Variants in HCN1 observed in about 807,000 individuals in gnomAD.
HCN1 encodes potassium/sodium hyperpolarization-activated cyclic nucleotide-gated channel 1.
A neutral mutation model predicts 78.9 loss-of-function variants in HCN1; 13 were observed. The observed-to-expected ratio is 0.16, with a 90% CI of 0.11 to 0.26. The LOEUF is 0.26. Ranked by LOEUF, HCN1 falls within the 10% of genes least tolerant of loss-of-function variation. HCN1 has a pLI of 1.00. For missense variants in HCN1, 810 were observed against 1,154.3 expected (o/e 0.70, Z 4.32); for synonymous variants, 552 against 455.5 (o/e 1.21, Z -2.70).
intron 3 of HCN1, among the ~76,000 whole-genome samples, chr5:45,452,027 T>C (rs1740928628): frequency 1.3e-5 from 2 of 152,052 alleles, no homozygotes. Context: ...CTTTATGATA[T>C]GCTCAAGAAA....
intron 6 of HCN1, among the ~76,000 whole-genome samples, chr5:45,296,865 T>C (rs115185858): frequency 6.6e-6 from 1 of 152,048 alleles, no homozygotes; most frequent in Non-Finnish European, 1.5e-5. Context: ...GAGCAATTCC[T>C]GGAAAGTACA....
intron 2 of HCN1, among the ~76,000 whole-genome samples, chr5:45,601,570 C>T (rs557002058): frequency 6.6e-6 from 1 of 152,164 alleles, no homozygotes; most frequent in African/African-American, 2.4e-5. Context: ...AAGATGTGTT[C>T]CTGTGAGGAA....
intron 1 of HCN1, among the ~76,000 whole-genome samples, chr5:45,659,618 T>C (rs1446139157): frequency 6.9e-6 from 1 of 145,542 alleles, no homozygotes; most frequent in African/African-American, 2.6e-5. Flanking sequence ...AAGGAGCTGA[T>C]GGAGCTGAAA....
At chr5:45,269,512 TA>T (rs1224075386) in intron 6 of HCN1, among the ~76,000 whole-genome samples, 1 of 152,298 alleles carries the variant, frequency 6.6e-6, no homozygotes, top group South Asian at 2.1e-4. Flanking sequence ...CATTTAAAGA[TA>T]AAAAACTCTG....
At chr5:45,344,137 G>A (rs1265880112) in intron 5 of HCN1, among the ~76,000 whole-genome samples, 1 of 152,082 alleles carries the variant, frequency 6.6e-6, no homozygotes, top group Admixed American at 6.6e-5. Flanking sequence ...GCAGCAAGGA[G>A]AAGTGATGAG....
intron 2 of HCN1, among the ~76,000 whole-genome samples, chr5:45,518,550 G>C (rs892681978): frequency 1.3e-5 from 2 of 152,008 alleles, no homozygotes; most frequent in African/African-American, 4.8e-5. Flanking sequence ...GGAAACCTAA[G>C]ATATGCACAG....
intron 2 of HCN1, among the ~76,000 whole-genome samples, chr5:45,582,600 G>C (rs1174754196): frequency 2.0e-5 from 3 of 152,152 alleles, no homozygotes; most frequent in Non-Finnish European, 4.4e-5. Flanking sequence ...TCTTGTGGCA[G>C]TTTTCAAAGG....
chr5:45,690,061 G>A (rs983922323), intron 1 of HCN1, among the ~76,000 whole-genome samples: 1 of 152,052 alleles, frequency 6.6e-6, no homozygotes, highest in African/African-American at 2.4e-5. Context: ...ACAATGAAGA[G>A]TAAGGTGCGA....
chr5:45,605,781 T>C (rs1744717359), intron 2 of HCN1, among the ~76,000 whole-genome samples: 1 of 151,966 alleles, frequency 6.6e-6, no homozygotes, highest in African/African-American at 2.4e-5. Context: ...AGAGTAGATG[T>C]ATCACTCTGG....
At chr5:45,372,376 ATT>A (rs1354310785) in intron 4 of HCN1, among the ~76,000 whole-genome samples, 2 of 112,544 alleles carry the variant, frequency 1.8e-5, no homozygotes, top group Non-Finnish European at 3.3e-5. Flanking sequence ...AAACATATAT[ATT>A]ATATAAATAT....
Position 45,299,825 on chromosome 5 carries a change from C to A in HCN1, c.1618+3774G>T, listed in dbSNP as rs150274310. On this transcript the variant is annotated intron_variant, in intron 6 of 7. Transcript: ENST00000303230. The stretch of plus-strand genomic sequence containing the variant: ...ATTCTTTCTAAGAAGTGAGCATAAC[C>A]TGATATCCAAAGTCATCTAGGGGAT... Among the ~76,000 whole-genome samples, 524 of 152,080 alleles carry A rather than the reference C, an allele frequency of 3.4e-3. 3 individuals carry two copies. Among genetic ancestry groups the A allele is most frequent in the South Asian group, 6.2e-3 (30 of 4,828 alleles).
chr5:45,417,764 A>C (rs1426171325), intron 3 of HCN1, among the ~76,000 whole-genome samples: 1 of 149,594 alleles, frequency 6.7e-6, no homozygotes, highest in Admixed American at 6.7e-5. Context: ...AAAAAAAAAA[A>C]AAAAAAAAAA....
At chr5:45,330,616 ATAATTTT>A (rs1746325647) in intron 5 of HCN1, among the ~76,000 whole-genome samples, 1 of 151,048 alleles carries the variant, frequency 6.6e-6, no homozygotes, top group Non-Finnish European at 1.5e-5. Flanking sequence ...TGACTCATCA[ATAATTTT>A]TAATAGACAA....
intron 3 of HCN1, among the ~76,000 whole-genome samples, chr5:45,451,436 T>G (rs1485183425): frequency 6.6e-6 from 1 of 152,062 alleles, no homozygotes; most frequent in East Asian, 1.9e-4. Context: ...ATTTGCCTAA[T>G]ATTTACTGAT....
chr5:45,561,993 A>C (rs1245318545), intron 2 of HCN1, among the ~76,000 whole-genome samples: 5 of 152,176 alleles, frequency 3.3e-5, no homozygotes, highest in African/African-American at 1.2e-4. Flanking sequence ...TGTAATCATA[A>C]GTATAGTGCT....
intron 2 of HCN1, among the ~76,000 whole-genome samples, chr5:45,585,253 C>T (rs1744187137): frequency 6.6e-6 from 1 of 152,130 alleles, no homozygotes; most frequent in Admixed American, 6.6e-5. Context: ...CTCTAAACTT[C>T]TCTTCTCACT....
At chr5:45,422,811 A>T (rs1740255208) in intron 3 of HCN1, among the ~76,000 whole-genome samples, 2 of 152,130 alleles carry the variant, frequency 1.3e-5, no homozygotes. Flanking sequence ...AAAGTCATAT[A>T]TGAGAGCTAA....
chr5:45,424,071 C>T (rs1020594208), intron 3 of HCN1, among the ~76,000 whole-genome samples: 1 of 142,276 alleles, frequency 7.0e-6, no homozygotes, highest in East Asian at 2.1e-4. Flanking sequence ...GTCAGGAAAT[C>T]GAGACCATCC....
At chr5:45,398,058 T>C (rs1463532322) in intron 3 of HCN1, among the ~76,000 whole-genome samples, 1 of 151,860 alleles carries the variant, frequency 6.6e-6, no homozygotes, top group Non-Finnish European at 1.5e-5. Flanking sequence ...GAGTATTTTA[T>C]AGGCTGTGAG....
Sources: gnomAD v4.1 joint callset for allele counts (sites outside exome capture counted in the v4.1 genomes callset) on GRCh38, gnomAD v4.1.1 for gene constraint, MANE v1.5 for transcripts, NCBI Gene and HGNC (gene_info 2026-07-23, HGNC 2026-07-21) for gene names.